Variants in KCNH1 observed in about 807,000 individuals in gnomAD.
KCNH1 encodes voltage-gated delayed rectifier potassium channel KCNH1.
Under a neutral mutation model 69.2 loss-of-function variants are expected in KCNH1, and 27 were observed. The ratio of observed to expected loss-of-function variants is 0.39; its 90% CI spans 0.29 to 0.54. The LOEUF (loss-of-function observed/expected upper bound fraction) is 0.54, where lower values mean the gene tolerates loss of function less well. Ranked by LOEUF, KCNH1 falls within the 20% of genes least tolerant of loss-of-function variation. The probability of loss-of-function intolerance (pLI) is 0.68; values close to 1 mark genes in which losing one functional copy is unlikely to be tolerated. For missense variants in KCNH1, 798 were observed against 1,261.6 expected (o/e 0.63, Z 5.57); for synonymous variants, 456 against 487.7 (o/e 0.93, Z 0.86).
intron 6 of KCNH1, among the ~76,000 whole-genome samples, chr1:211,009,557 C>A (rs1689354277): frequency 6.6e-6 from 1 of 151,924 alleles, no homozygotes; most frequent in Admixed American, 6.6e-5. Context: ...TGGGTGCAGG[C>A]CACAAAGTGG....
intron 7 of KCNH1, among the ~76,000 whole-genome samples, chr1:210,856,818 A>T (rs1685851934): frequency 1.5e-5 from 2 of 130,850 alleles, no homozygotes. Context: ...TATATTATAT[A>T]TATTTTATAT....
intron 4 of KCNH1, among the ~76,000 whole-genome samples, chr1:211,086,622 A>G (rs1373697021): frequency 6.6e-6 from 1 of 152,192 alleles, no homozygotes; most frequent in Non-Finnish European, 1.5e-5. Context: ...TCTTTTCTCC[A>G]TTCTCAGGAA....
intron 5 of KCNH1, among the ~76,000 whole-genome samples, chr1:211,040,459 C>A (rs949727839): frequency 6.6e-6 from 1 of 152,146 alleles, no homozygotes; most frequent in Non-Finnish European, 1.5e-5. Context: ...GGGGTTTCCA[C>A]TTTTGCTTCT....
At chr1:211,069,040 A>G (rs1690585190) in intron 5 of KCNH1, among the ~76,000 whole-genome samples, 1 of 152,236 alleles carries the variant, frequency 6.6e-6, no homozygotes, top group Non-Finnish European at 1.5e-5. Context: ...GAGAAAGGGA[A>G]CCATGTTTAT....
intron 7 of KCNH1, among the ~76,000 whole-genome samples, chr1:210,918,616 A>T (rs1261783497): frequency 6.6e-6 from 1 of 152,216 alleles, no homozygotes; most frequent in African/African-American, 2.4e-5. Flanking sequence ...ATCAAATCTA[A>T]GTATCTTCCT....
rs373488122 is a variant in KCNH1 at position 210,747,933 on chromosome 1, A to T, written c.2112+27415T>A. Reference sequence around the variant, plus strand: ...TTAAGTCCTGAGATGAGATCCTTTGACAGGGAACAAATGAGTAGAGCAGGT... The same window carrying T: ...TTAAGTCCTGAGATGAGATCCTTTGTCAGGGAACAAATGAGTAGAGCAGGT... On this transcript the variant is annotated intron_variant, in intron 10 of 10. Transcript: ENST00000271751. Among the ~76,000 whole-genome samples, 128 of 152,368 alleles carry T rather than the reference A, an allele frequency of 8.4e-4. 2 individuals are homozygous for T. The highest frequency in any genetic ancestry group is 3.4e-3 in the Middle Eastern group (1 of 294).
chr1:210,827,224 T>C (rs1685050810), intron 7 of KCNH1, among the ~76,000 whole-genome samples: 1 of 151,972 alleles, frequency 6.6e-6, no homozygotes, highest in African/African-American at 2.4e-5. Context: ...TAATCCCAGC[T>C]ACTCAGGAGG....
chr1:210,804,225 G>C, intron 7 of KCNH1, 59 bp from the exon 8 acceptor site: 2 of 1,459,142 alleles, frequency 1.4e-6, no homozygotes, highest in South Asian at 2.5e-5. Flanking sequence ...CCTGAGCCAG[G>C]GTTCCAGAAT....
At chr1:210,855,632 G>A (rs995651952) in intron 7 of KCNH1, among the ~76,000 whole-genome samples, 4 of 152,212 alleles carry the variant, frequency 2.6e-5, no homozygotes, top group Admixed American at 2.6e-4. Flanking sequence ...TGCTAGCACC[G>A]TGGACAGCGA....
At chr1:210,909,087 G>A (rs1156806970) in intron 7 of KCNH1, among the ~76,000 whole-genome samples, 2 of 152,220 alleles carry the variant, frequency 1.3e-5, no homozygotes, top group Non-Finnish European at 2.9e-5. Context: ...TGCAAAGAGG[G>A]TCACAATGGG....
intron 6 of KCNH1, among the ~76,000 whole-genome samples, chr1:210,954,392 T>C (rs1027795690): frequency 4.6e-5 from 7 of 152,228 alleles, no homozygotes; most frequent in Non-Finnish European, 7.3e-5. Flanking sequence ...TATAGTAGAA[T>C]GATTTATAAT....
At chr1:211,008,738 A>T (rs1215912063) in intron 6 of KCNH1, among the ~76,000 whole-genome samples, 1 of 152,242 alleles carries the variant, frequency 6.6e-6, no homozygotes, top group Admixed American at 6.5e-5. Flanking sequence ...AGTAGTGGTT[A>T]TGTGCAAGTA....
intron 10 of KCNH1, among the ~76,000 whole-genome samples, chr1:210,728,934 T>G (rs1682675817): frequency 6.6e-6 from 1 of 152,230 alleles, no homozygotes; most frequent in Non-Finnish European, 1.5e-5. Context: ...CCGAATTGCC[T>G]GGAACATTCA....
rs1355538967 is a variant in KCNH1, at chr1:210,919,454, T to C, written c.1462+186A>G. On this transcript the variant is annotated intron_variant, in intron 7 of 10. Transcript: ENST00000271751. This position sits in a 1 kb window ranked among gnomAD's most constrained non-coding sequence, Gnocchi z 4.2. ...CTTTCTACTTTGCACTCTTTTGTATTTTCTAAATTTTTTTGCAGTAAGCAT... is the reference window on the plus strand; with the variant it reads ...CTTTCTACTTTGCACTCTTTTGTATCTTCTAAATTTTTTTGCAGTAAGCAT... 37 of 619,240 alleles carry C rather than the reference T, an allele frequency of 6.0e-5. No homozygotes were observed. Among genetic ancestry groups the C allele is most frequent in the South Asian group, 1.5e-4 (7 of 48,028 alleles). 38.4% of individuals were successfully genotyped at this position (619,240 alleles called of 1,614,324 possible).
intron 6 of KCNH1, among the ~76,000 whole-genome samples, chr1:210,923,783 G>A (rs1501555): frequency 0.62 from 93,688 of 152,158 alleles, 29,361 homozygotes; most frequent in African/African-American, 0.72. Context: ...TGAAGGCAGA[G>A]GCCACTTGTT....
chr1:211,083,592 T>C (rs1690899814), intron 4 of KCNH1, among the ~76,000 whole-genome samples: 1 of 152,176 alleles, frequency 6.6e-6, no homozygotes, highest in Admixed American at 6.5e-5. Context: ...CAACAACCCA[T>C]CTGTATCAAG....
intron 6 of KCNH1, among the ~76,000 whole-genome samples, chr1:210,922,195 C>T (rs975992819): frequency 2.0e-5 from 3 of 151,654 alleles, no homozygotes; most frequent in African/African-American, 4.8e-5. Context: ...TCCTGGCTAA[C>T]ATGGTGAAAC....
At chr1:210,990,898 T>A (rs1167268426) in intron 6 of KCNH1, among the ~76,000 whole-genome samples, 1 of 151,886 alleles carries the variant, frequency 6.6e-6, no homozygotes, top group Non-Finnish European at 1.5e-5. Flanking sequence ...TAATACAGAG[T>A]TTACCTAGAA....
intron 5 of KCNH1, among the ~76,000 whole-genome samples, chr1:211,042,522 G>C (rs765304620): frequency 3.3e-5 from 5 of 152,126 alleles, no homozygotes; most frequent in Non-Finnish European, 7.4e-5. Flanking sequence ...ATAATAGTGG[G>C]GGACTTCAAC....
Sources: gnomAD v4.1 joint callset for allele counts (sites outside exome capture counted in the v4.1 genomes callset) on GRCh38, gnomAD v4.1.1 for gene constraint, Gnocchi (gnomAD v3.1) non-coding constraint, MANE v1.5 for transcripts, NCBI Gene and HGNC (gene_info 2026-07-23, HGNC 2026-07-21) for gene names.